Variants in ULK4 observed in about 807,000 individuals in gnomAD.
ULK4 encodes the protein inactive serine/threonine-protein kinase ULK4.
A neutral mutation model predicts 160.6 loss-of-function variants in ULK4; 133 were observed. The ratio of observed to expected loss-of-function variants is 0.83; its 90% CI spans 0.72 to 0.96. ULK4 has a LOEUF of 0.96. Ranked by LOEUF, ULK4 falls within the 40% of genes least tolerant of loss-of-function variation. ULK4 has a pLI of 0.00. For missense variants in ULK4, 1,580 were observed against 1,499.5 expected (o/e 1.05, Z -0.89); for synonymous variants, 534 against 539.8 (o/e 0.99, Z 0.15).
intron 2 of ULK4, among the ~76,000 whole-genome samples, chr3:41,951,058 G>A (rs1419421486): frequency 1.3e-5 from 2 of 150,542 alleles, no homozygotes; most frequent in Non-Finnish European, 2.9e-5. Context: ...GCAGGAGAAT[G>A]GCGTGAACCC....
chr3:41,490,929 G>A (rs2084735749), intron 32 of ULK4, among the ~76,000 whole-genome samples: 1 of 152,106 alleles, frequency 6.6e-6, no homozygotes, highest in African/African-American at 2.4e-5. Context: ...TCTGTGTAAG[G>A]AAAACAGACA....
At chr3:41,958,906 G>A (rs935710969) in intron 1 of ULK4, among the ~76,000 whole-genome samples, 1 of 152,036 alleles carries the variant, frequency 6.6e-6, no homozygotes, top group Non-Finnish European at 1.5e-5. Context: ...ATAAGCAAAG[G>A]GATGGATATG....
At chr3:41,768,141 T>C (rs1346255842) in intron 21 of ULK4, among the ~76,000 whole-genome samples, 3 of 152,154 alleles carry the variant, frequency 2.0e-5, no homozygotes, top group African/African-American at 7.2e-5. Flanking sequence ...CTGATGATCT[T>C]CTGAGTTGGA....
At chr3:41,692,003 G>C (rs2036318393) in intron 27 of ULK4, among the ~76,000 whole-genome samples, 1 of 135,690 alleles carries the variant, frequency 7.4e-6, no homozygotes, top group Non-Finnish European at 1.5e-5. Flanking sequence ...CCAGGCTGGA[G>C]TGCAGTAGTG....
Position 41,715,354 on chromosome 3 carries a change from A to G in ULK4, c.2578-61T>C, listed in dbSNP as rs185551437. 47 of 1,328,132 alleles carry G rather than the reference A, an allele frequency of 3.5e-5. No homozygotes were observed. In the East Asian group the frequency reaches 1.2e-3, roughly 34 times the overall value. The allele number at this position is 1,328,132 out of a possible 1,614,324, so 82.3% of individuals were successfully genotyped here. On this transcript the variant is annotated intron_variant, in intron 24 of 36. Transcript: ENST00000301831. ...AAGCTATGTACAACGTTAGCTCAAT[A>G]AAAAAAAAATGTTTTGAGTTGAGGA...
chr3:41,936,623 G>T (rs1030088468), intron 3 of ULK4, among the ~76,000 whole-genome samples: 1 of 152,154 alleles, frequency 6.6e-6, no homozygotes, highest in Non-Finnish European at 1.5e-5. Context: ...CAACACAGTT[G>T]GAACTGGAGG....
chr3:41,612,164 T>C (rs2032714581), intron 31 of ULK4, among the ~76,000 whole-genome samples: 1 of 152,168 alleles, frequency 6.6e-6, no homozygotes, highest in Non-Finnish European at 1.5e-5. Context: ...TGAGGATCTG[T>C]AGATTTTAGT....
chr3:41,249,474 C>G lies in ULK4; in HGVS notation c.3764+15G>C, dbSNP rs2125666060. On this transcript the variant is annotated intron_variant, in intron 36 of 36. Transcript: ENST00000301831. ...GATCTAGAGCAGACTGCTGATCCTC[C>G]TGGGTCCCACTTACCCACTCCCAGG... is the stretch of plus-strand genomic sequence containing the variant. 1.2e-6 allele frequency: 2 copies of G among 1,610,676 alleles called. No individual in the cohort carries two copies. The highest frequency in any genetic ancestry group is 3.3e-5 in the Admixed American group (2 of 59,778).
chr3:41,754,255 T>C, intron 22 of ULK4, 106 bp downstream of exon 22: 2 of 1,326,002 alleles, frequency 1.5e-6, no homozygotes, highest in Non-Finnish European at 2.0e-6. Flanking sequence ...GGAAAAACTC[T>C]TAAAAAAAAA....
intron 34 of ULK4, among the ~76,000 whole-genome samples, chr3:41,437,157 TAA>T (rs939644308): frequency 1.4e-4 from 22 of 152,268 alleles, no homozygotes; most frequent in African/African-American, 5.1e-4. Context: ...CTGGCAGGAT[TAA>T]AGACTGAATT....
At chr3:41,945,985 G>C (rs909112353) in intron 2 of ULK4, among the ~76,000 whole-genome samples, 20 of 151,930 alleles carry the variant, frequency 1.3e-4, no homozygotes, top group Non-Finnish European at 2.9e-4. Flanking sequence ...TTAATCTGTG[G>C]AGTTAGAAGT....
intron 35 of ULK4, among the ~76,000 whole-genome samples, chr3:41,362,075 C>T (rs2081157147): frequency 1.3e-5 from 2 of 152,106 alleles, no homozygotes; most frequent in Admixed American, 6.6e-5. Flanking sequence ...GGTCAAATAC[C>T]TCAATTAACC....
At chr3:41,514,567 T>C (rs1276416098) in intron 32 of ULK4, among the ~76,000 whole-genome samples, 4 of 152,034 alleles carry the variant, frequency 2.6e-5, no homozygotes, top group Admixed American at 6.5e-5. Flanking sequence ...ATAAAGAAAA[T>C]GTGGCATATA....
At position 41,566,061 on chromosome 3, in the gene ULK4, A is replaced by G; in HGVS notation, c.3190T>C (p.Cys1064Arg). ...AGTAGTTCCATATTCGAATCTTTGC[A>G]GGCAACTAGATTGCTGAGTAATGCA... ...VIALLSNLVACKDSNMELLYE... is the reference protein window; with the variant it reads ...VIALLSNLVARKDSNMELLYE... Residue 1064 changes from cysteine (C) to arginine (R), a missense_variant, in exon 32 of 37, where the codon TGC becomes CGC. Transcript: ENST00000301831. 2 of 1,613,872 alleles carry G rather than the reference A, an allele frequency of 1.2e-6. No individual in the cohort carries two copies. Among genetic ancestry groups the G allele is most frequent in the Non-Finnish European group, 1.7e-6 (2 of 1,179,932 alleles).
At chr3:41,917,307 A>C (rs2148810042) in intron 7 of ULK4, among the ~76,000 whole-genome samples, 1 of 152,154 alleles carries the variant, frequency 6.6e-6, no homozygotes, top group African/African-American at 2.4e-5. Context: ...AGTTCAAGAC[A>C]AGCTAGGCTA....
chr3:41,329,866 A>G (rs913990736), intron 35 of ULK4, among the ~76,000 whole-genome samples: 5 of 152,222 alleles, frequency 3.3e-5, no homozygotes, highest in South Asian at 2.1e-4. Context: ...TTAGAAGAGC[A>G]TATTAGATTT....
At chr3:41,479,763 T>C (rs2084257102) in intron 32 of ULK4, among the ~76,000 whole-genome samples, 1 of 152,212 alleles carries the variant, frequency 6.6e-6, no homozygotes, top group Admixed American at 6.5e-5. Context: ...GATTTTATCC[T>C]GTAGGCAATA....
intron 17 of ULK4, among the ~76,000 whole-genome samples, chr3:41,866,448 G>A (rs1195490091): frequency 6.6e-6 from 1 of 152,142 alleles, no homozygotes; most frequent in East Asian, 1.9e-4. Flanking sequence ...AGATTATCAG[G>A]CATTAGATTT....
chr3:41,649,136 A>G lies in ULK4; in HGVS notation c.3071+14471T>C, dbSNP rs528042353. 3.1e-3 allele frequency among the ~76,000 whole-genome samples: 471 copies of G among 151,840 alleles called. 2 individuals are homozygous for G. Among genetic ancestry groups the G allele is most frequent in the Non-Finnish European group, 5.4e-3 (365 of 67,882 alleles). On this transcript the variant is annotated intron_variant, in intron 30 of 36. Coordinates refer to ENST00000301831, the MANE Select transcript of ULK4 (RefSeq NM_017886.4). The stretch of plus-strand genomic sequence containing the variant: ...GAGTGAGACCCTGTATCCAAAACAA[A>G]AAAAAAAAAGCCAGAAGAAAATCTC...
Sources: allele counts gnomAD v4.1 joint callset (sites outside exome capture counted in the v4.1 genomes callset), GRCh38; gene constraint gnomAD v4.1.1; transcripts MANE v1.5; gene names NCBI Gene and HGNC (gene_info 2026-07-23, HGNC 2026-07-21).